The following EHBP1 variants were observed in gnomAD, a reference collection of about 807,000 sequenced individuals.
The protein encoded by EHBP1 is EH domain-binding protein 1.
EHBP1 carries 55 observed loss-of-function variants against 144.0 expected under a neutral mutation model. The ratio of observed to expected loss-of-function variants is 0.38; its 90% CI spans 0.31 to 0.48. EHBP1 has a LOEUF of 0.48. Ranked by LOEUF, EHBP1 falls within the 20% of genes least tolerant of loss-of-function variation. EHBP1 has a pLI of 0.98. For synonymous variants in EHBP1, 469 were observed against 472.7 expected (o/e 0.99, Z 0.10); for missense variants, 1,200 against 1,364.2 (o/e 0.88, Z 1.90).
At chr2:62,844,477 G>GA (rs1347947895) in intron 7 of EHBP1, among the ~76,000 whole-genome samples, 1 of 152,046 alleles carries the variant, frequency 6.6e-6, no homozygotes, top group Non-Finnish European at 1.5e-5. Flanking sequence ...TGGAGCTGGA[G>GA]AAAAAATGCC....
At chr2:63,024,205 G>A (rs568784106) in intron 19 of EHBP1, among the ~76,000 whole-genome samples, 73 of 152,250 alleles carry the variant, frequency 4.8e-4, no homozygotes, top group East Asian at 7.7e-4. Context: ...TTAGCCAGGC[G>A]TGGTGGCAGG....
intron 14 of EHBP1, among the ~76,000 whole-genome samples, chr2:62,973,298 ATACACT>A (rs1338344716): frequency 6.6e-6 from 1 of 152,242 alleles, no homozygotes; most frequent in Non-Finnish European, 1.5e-5. Flanking sequence ...ACTCAGTGAA[ATACACT>A]TAAACTTAGT....
At chr2:62,923,691 G>A (rs1457482202) in intron 10 of EHBP1, among the ~76,000 whole-genome samples, 3 of 152,266 alleles carry the variant, frequency 2.0e-5, no homozygotes, top group South Asian at 2.1e-4. Flanking sequence ...GGAGCATAAG[G>A]TGTGCAGTCC....
rs549283023 is a variant in EHBP1 at position 62,720,203 on chromosome 2, G to A, written c.104+12908G>A. On this transcript the variant is annotated intron_variant, in intron 2 of 22. Transcript: ENST00000431489. The stretch of plus-strand genomic sequence containing the variant: ...GGTATTTCTTTTGGCTTGGGGGTGA[G>A]GGAGTCTGAAAAAAATTACACATTA... Among the ~76,000 whole-genome samples, 3 of 152,192 alleles carry A rather than the reference G, an allele frequency of 2.0e-5. No homozygotes were observed. The East Asian group carries it at 5.8e-4, about 29-fold the overall frequency.
At chr2:62,921,677 C>T (rs189226771) in intron 10 of EHBP1, among the ~76,000 whole-genome samples, 2 of 152,174 alleles carry the variant, frequency 1.3e-5, no homozygotes, top group East Asian at 3.9e-4. Context: ...TTACAGTAGA[C>T]CACTCGACAA....
chr2:62,810,857 G>A (rs977523759), intron 5 of EHBP1, among the ~76,000 whole-genome samples: 1 of 152,138 alleles, frequency 6.6e-6, no homozygotes, highest in African/African-American at 2.4e-5. Flanking sequence ...ACTTTTTGTT[G>A]CTTTCTTTTG....
intron 4 of EHBP1, among the ~76,000 whole-genome samples, chr2:62,770,108 G>A (rs761394317): frequency 6.6e-6 from 1 of 152,086 alleles, no homozygotes; most frequent in Non-Finnish European, 1.5e-5. Context: ...CATAGGAACT[G>A]GCAAAGATTT....
chr2:62,885,993 A>T (rs1381619522), intron 10 of EHBP1, among the ~76,000 whole-genome samples: 2 of 152,312 alleles, frequency 1.3e-5, no homozygotes, highest in East Asian at 3.9e-4. Context: ...TTTCACTTGG[A>T]TGTTTTCAGA....
chr2:62,931,819 A>G (rs892404267), intron 10 of EHBP1, among the ~76,000 whole-genome samples: 1 of 152,144 alleles, frequency 6.6e-6, no homozygotes, highest in African/African-American at 2.4e-5. Context: ...TCCAGTTGAA[A>G]AAGCGAAGTA....
rs1253313616 is a variant in EHBP1, at chr2:62,739,926, C to T, written c.105-7469C>T. Among the ~76,000 whole-genome samples the T allele has an allele frequency of 9.9e-5, 14 of 141,670 alleles. No homozygotes were observed. In the South Asian group the frequency reaches 3.1e-3, roughly 32 times the overall value. The allele number at this position is 141,670 out of a possible 152,430, so 92.9% of individuals were successfully genotyped here. ...ACTCCAGCCTGGGCTAGAGTGAGAG[C>T]CTGTCTCAGAAAAAAAAAAAAAAAA... is the stretch of plus-strand genomic sequence containing the variant. On this transcript the variant is annotated intron_variant, in intron 2 of 22. Coordinates refer to ENST00000431489, the MANE Select transcript of EHBP1 (RefSeq NM_001142616.3).
chr2:62,708,892 A>G (rs1182687504), intron 2 of EHBP1, among the ~76,000 whole-genome samples: 1 of 152,188 alleles, frequency 6.6e-6, no homozygotes, highest in Non-Finnish European at 1.5e-5. Context: ...AATGGGGTTT[A>G]AAGTGTAGGA....
In EHBP1 at chr2:62,807,628, T is replaced by C. The variant is rs533937331; in HGVS notation, c.313-18459T>C. 7.2e-5 allele frequency among the ~76,000 whole-genome samples: 11 copies of C among 152,336 alleles called. No homozygotes were observed. In the South Asian group the frequency reaches 2.1e-3, roughly 29 times the overall value. On this transcript the variant is annotated intron_variant, in intron 5 of 22. Transcript: ENST00000431489. ...GTGCTCTTCCTTTCTTTACATAGATTTTACTTTCTAACCTGTTATTTTTTT... is the reference window on the plus strand; with the variant it reads ...GTGCTCTTCCTTTCTTTACATAGATCTTACTTTCTAACCTGTTATTTTTTT...
At chr2:62,824,666 T>C (rs1327422952) in intron 5 of EHBP1, among the ~76,000 whole-genome samples, 2 of 152,004 alleles carry the variant, frequency 1.3e-5, no homozygotes, top group Non-Finnish European at 2.9e-5. Flanking sequence ...TCATAAGGTA[T>C]CTACATGCAC....
At chr2:62,964,036 G>T (rs186272995) in intron 14 of EHBP1, among the ~76,000 whole-genome samples, 1 of 152,138 alleles carries the variant, frequency 6.6e-6, no homozygotes, top group East Asian at 1.9e-4. Context: ...TTTTTATTCC[G>T]TATTATTTTA....
intron 2 of EHBP1, among the ~76,000 whole-genome samples, chr2:62,707,532 A>T (rs763471711): frequency 1.3e-5 from 2 of 152,210 alleles, no homozygotes; most frequent in Non-Finnish European, 2.9e-5. Context: ...CTGTGAGAGC[A>T]CACTAAATAC....
intron 1 of EHBP1, among the ~76,000 whole-genome samples, chr2:62,694,537 A>G (rs1247178056): frequency 6.6e-6 from 1 of 152,036 alleles, no homozygotes; most frequent in Admixed American, 6.6e-5. Context: ...AGCAAAAACT[A>G]GATAATAATG....
chr2:62,804,713 A>G (rs2044308807), intron 5 of EHBP1, among the ~76,000 whole-genome samples: 3 of 152,308 alleles, frequency 2.0e-5, no homozygotes, highest in South Asian at 2.1e-4. Context: ...CAGGCCATGG[A>G]TTGGTACTGG....
chr2:62,955,020 CT>C (rs1352228861), intron 13 of EHBP1, among the ~76,000 whole-genome samples: 2 of 151,538 alleles, frequency 1.3e-5, no homozygotes, highest in Non-Finnish European at 2.9e-5. Flanking sequence ...ACTAGTTTTA[CT>C]TTTTTTTAAT....
chr2:62,921,637 T>C (rs2153007094), intron 10 of EHBP1, among the ~76,000 whole-genome samples: 2 of 151,712 alleles, frequency 1.3e-5, no homozygotes, highest in East Asian at 3.9e-4. Context: ...ACTAGCAAAA[T>C]GATGGAAGTA....
Sources: allele counts gnomAD v4.1 joint callset (sites outside exome capture counted in the v4.1 genomes callset), GRCh38; gene constraint gnomAD v4.1.1; transcripts MANE v1.5; gene names NCBI Gene and HGNC (gene_info 2026-07-23, HGNC 2026-07-21).